Variants in DNAH8 observed in about 807,000 individuals in gnomAD.
DNAH8 encodes axonemal beta dynein heavy chain 8.
DNAH8 carries 382 observed loss-of-function variants against 562.1 expected under a neutral mutation model. The ratio of observed to expected loss-of-function variants is 0.68; its 90% CI spans 0.63 to 0.74. The LOEUF is 0.74. Among genes scored for constraint, DNAH8 ranks in the 30% least tolerant of loss-of-function variants. DNAH8 has a pLI of 0.00. For synonymous variants in DNAH8, 1,881 were observed against 1,919.4 expected, an observed-to-expected ratio of 0.98 and a Z score of 0.52; for missense variants, 5,203 against 5,620.4, an observed-to-expected ratio of 0.93 and a Z score of 2.37.
chr6:38,746,536 G>T (rs1205649424), intron 8 of DNAH8, among the ~76,000 whole-genome samples: 1 of 151,508 alleles, frequency 6.6e-6, no homozygotes, highest in Admixed American at 6.6e-5. Flanking sequence ...TTTTAAAATG[G>T]AATCATTTAT....
At chr6:38,796,967 G>A (rs959352644) in intron 21 of DNAH8, among the ~76,000 whole-genome samples, 5 of 152,130 alleles carry the variant, frequency 3.3e-5, no homozygotes, top group Admixed American at 2.0e-4. Flanking sequence ...TGTGTCTTCC[G>A]TTTTCCTGAC....
At position 38,826,207 on chromosome 6, in the gene DNAH8, T is replaced by C. The variant is rs1312733857; in HGVS notation, c.3899T>C (p.Leu1300Pro). 6.2e-7 allele frequency: 1 copy of C among 1,613,378 alleles called. No homozygotes were observed. The highest frequency in any genetic ancestry group is 1.1e-5 in the South Asian group (1 of 90,820). ...GAGGCCAAGGCATGGAAGATGTTAC[T>C]CTGTCGATATCTGAATGAAGAATAC... ...SIEAKAWKML[L>P]CRYLNEEYKK... Residue 1300 changes from leucine to proline, a missense_variant, in exon 29 of 93, where the codon CTC becomes CCC. Physicochemically the swap from Leu to Pro is moderately conservative, Grantham distance 98. Coordinates refer to ENST00000327475, the MANE Select transcript of DNAH8 (RefSeq NM_001206927.2).
chr6:38,876,287 G>T (rs754480741), intron 53 of DNAH8, among the ~76,000 whole-genome samples: 9 of 152,154 alleles, frequency 5.9e-5, no homozygotes, highest in Non-Finnish European at 1.0e-4. Flanking sequence ...AGCCTTCCAT[G>T]TATGGCCGGG....
chr6:38,989,373 A>G (rs1764628052), intron 87 of DNAH8, among the ~76,000 whole-genome samples: 1 of 152,024 alleles, frequency 6.6e-6, no homozygotes, highest in Non-Finnish European at 1.5e-5. Flanking sequence ...CCAACTATAT[A>G]TTTGTTCTCT....
At position 39,008,922 on chromosome 6, in the gene DNAH8, A is replaced by T. The variant is rs375894977; in HGVS notation, c.13323A>T (p.Leu4441Phe). 5 of 1,611,270 alleles carry T rather than the reference A, an allele frequency of 3.1e-6. No homozygotes were observed. The African/African-American group carries it at 6.7e-5, about 22-fold the overall frequency. Residue 4441 changes from leucine (L) to phenylalanine (F), a missense_variant, in exon 89 of 93, where the codon TTA (leucine) becomes TTT (phenylalanine). By Grantham distance (22) the Leu-to-Phe change is conservative. Coordinates refer to ENST00000327475, the MANE Select transcript of DNAH8 (RefSeq NM_001206927.2). ...GETREAIVYR[L>F]SEDMLSKLPP... Reference sequence around the variant, plus strand: ...CCCGGGAGGCTATTGTTTATAGATTATCTGAAGATATGCTGAGTAAACTCC... The same window carrying T: ...CCCGGGAGGCTATTGTTTATAGATTTTCTGAAGATATGCTGAGTAAACTCC...
rs755714859 is a variant in DNAH8, at chr6:38,864,000, C to T, written c.6438C>T (p.Phe2146=). ...LTARKERKKQ[F]IFSDGDCVDL... ...CAAGAAAAGAAAGAAAGAAACAGTT[C>T]ATTTTTTCTGATGGTGATTGTGTTG... Residue 2146 remains phenylalanine, a synonymous_variant, in exon 45 of 93, where the codon TTC becomes TTT. Coordinates refer to ENST00000327475, the MANE Select transcript of DNAH8 (RefSeq NM_001206927.2). 3 of 1,610,826 alleles carry T rather than the reference C, an allele frequency of 1.9e-6. No homozygotes were observed. The highest frequency in any genetic ancestry group is 2.5e-6 in the Non-Finnish European group (3 of 1,179,360).
chr6:38,736,970 A>T, intron 5 of DNAH8, 97 bp from the exon 6 acceptor site: 1 of 810,002 alleles, frequency 1.2e-6, no homozygotes, highest in Non-Finnish European at 1.8e-6. Context: ...AAAATGTATT[A>T]GTTGTCTATG....
intron 47 of DNAH8, 31 bp from the exon 48 acceptor site, chr6:38,868,031 A>G: frequency 6.3e-7 from 1 of 1,596,522 alleles, no homozygotes. Context: ...TTTCAATTAA[A>G]CCATCTTTTT....
intron 92 of DNAH8, among the ~76,000 whole-genome samples, chr6:39,028,835 G>A (rs1489468142): frequency 3.9e-5 from 6 of 152,280 alleles, no homozygotes. Context: ...GACTGCCCAT[G>A]GTTTTACTGT....
intron 77 of DNAH8, among the ~76,000 whole-genome samples, chr6:38,937,354 TAA>T (rs11338690): frequency 3.3e-4 from 49 of 148,732 alleles, no homozygotes; most frequent in African/African-American, 6.8e-4. Flanking sequence ...TAAAGTATAA[TAA>T]AAAAAAAAAT....
At position 38,873,376 on chromosome 6, in the gene DNAH8, A is replaced by G; in HGVS notation, c.7620A>G (p.Gln2540=). 1 of 1,582,206 alleles carries G rather than the reference A, an allele frequency of 6.3e-7. No homozygotes were observed. The highest frequency in any genetic ancestry group is 1.2e-5 in the South Asian group (1 of 84,398). ...MQLLECNYIV[Q]SLNLLEGLIP... ...TCTTGGAGTGCAACTATATTGTGCA[A>G]GTAAGATTTTTTTTTGTACATTTAC... Residue 2540 remains glutamine (Q), a splice_region_variant and synonymous_variant, in exon 52 of 93, where the codon CAA becomes CAG. Transcript: ENST00000327475.
In DNAH8 at chr6:38,934,355, A is replaced by AAAAAC. The variant is rs780054119; in HGVS notation, c.11458-1217_11458-1213dup. On this transcript the variant is annotated intron_variant, in intron 76 of 92. Transcript: ENST00000327475. Reference sequence around the variant, plus strand: ...GTGTCAGAGGGAGACTCCATCTCAAAAAAACAAAACAAAACAAAACAAAAA... The same window carrying AAAAAC: ...GTGTCAGAGGGAGACTCCATCTCAAAAAAACAAAACAAAACAAAACAAAACAAAAA... 1.5e-4 allele frequency among the ~76,000 whole-genome samples: 23 copies of AAAAAC among 152,274 alleles called. No homozygotes were observed. The East Asian group carries it at 2.5e-3, about 17-fold the overall frequency.
At chr6:38,729,547 G>T (rs533403236) in intron 3 of DNAH8, among the ~76,000 whole-genome samples, 19 of 152,216 alleles carry the variant, frequency 1.2e-4, no homozygotes, top group African/African-American at 4.6e-4. Flanking sequence ...TAATCAATAG[G>T]CAAGTTTTCT....
At chr6:38,999,532 G>A (rs1328076334) in intron 88 of DNAH8, among the ~76,000 whole-genome samples, 3 of 151,810 alleles carry the variant, frequency 2.0e-5, no homozygotes, top group Non-Finnish European at 4.4e-5. Flanking sequence ...AAGAAGAATA[G>A]TTTTACTTCA....
chr6:39,006,132 A>G (rs74945984), intron 88 of DNAH8, among the ~76,000 whole-genome samples: 1,891 of 152,328 alleles, frequency 0.012, 44 homozygotes, highest in African/African-American at 0.042. Flanking sequence ...CCTACATCCT[A>G]TGGAAAGGAA....
intron 82 of DNAH8, among the ~76,000 whole-genome samples, chr6:38,955,978 C>G (rs1762218232): frequency 6.6e-6 from 1 of 152,228 alleles, no homozygotes; most frequent in African/African-American, 2.4e-5. Context: ...GGCCTTGAGC[C>G]TGCAACTAAA....
intron 88 of DNAH8, among the ~76,000 whole-genome samples, chr6:38,993,256 A>G (rs1764911779): frequency 6.6e-6 from 1 of 152,182 alleles, no homozygotes; most frequent in Admixed American, 6.5e-5. Flanking sequence ...ACTACCAGCA[A>G]CAAACCTATT....
chr6:38,727,530 A>T (rs183240203), intron 3 of DNAH8, among the ~76,000 whole-genome samples: 6 of 152,138 alleles, frequency 3.9e-5, no homozygotes, highest in Non-Finnish European at 8.8e-5. Flanking sequence ...TAGTCATTCT[A>T]TTTCCTCTAG....
At chr6:38,952,679 A>G (rs569801905) in intron 82 of DNAH8, among the ~76,000 whole-genome samples, 107 of 152,202 alleles carry the variant, frequency 7.0e-4, no homozygotes, top group African/African-American at 2.5e-3. Flanking sequence ...GTCCATGTTC[A>G]TGTTCTCTTT....
Sources: gnomAD v4.1 joint callset for allele counts (sites outside exome capture counted in the v4.1 genomes callset) on GRCh38, gnomAD v4.1.1 for gene constraint, MANE v1.5 for transcripts, NCBI Gene and HGNC (gene_info 2026-07-23, HGNC 2026-07-21) for gene names.